Variants in KAT8 observed in about 807,000 individuals in gnomAD.
KAT8 encodes the protein histone acetyltransferase KAT8.
KAT8 carries 40 observed loss-of-function variants against 62.9 expected under a neutral mutation model. The ratio of observed to expected loss-of-function variants is 0.64; its 90% CI spans 0.49 to 0.83. KAT8 has a LOEUF of 0.83. KAT8 is among the 40% of genes least tolerant of loss of function. KAT8 has a pLI of 0.00. For synonymous variants in KAT8, 278 were observed against 254.5 expected (o/e 1.09, Z -0.88); for missense variants, 387 against 614.8 (o/e 0.63, Z 3.92).
chr16:31,118,107 T>C, intron 1 of KAT8: 2 of 406,308 alleles, frequency 4.9e-6, no homozygotes, highest in Non-Finnish European at 8.7e-6. Flanking sequence ...GAGCGACGCC[T>C]ACAAACCCAC....
intron 3 of KAT8, among the ~76,000 whole-genome samples, chr16:31,121,519 A>G (rs117725342): frequency 1.3e-5 from 2 of 152,262 alleles, no homozygotes; most frequent in East Asian, 3.9e-4. Context: ...GGACCCAGAC[A>G]GGAATTTGAT....
chr16:31,121,610 G>C (rs568717617), intron 3 of KAT8, among the ~76,000 whole-genome samples: 29 of 152,220 alleles, frequency 1.9e-4, no homozygotes, highest in African/African-American at 6.5e-4. Flanking sequence ...GGGAGTCTTG[G>C]TGTGTTGCTC....
Position 31,127,364 on chromosome 16 carries a change from G to T in KAT8, c.681+11G>T, listed in dbSNP as rs771555828. 7 of 1,613,406 alleles carry T rather than the reference G, an allele frequency of 4.3e-6. No individual in the cohort carries two copies. The highest frequency in any genetic ancestry group is 5.9e-6 in the Non-Finnish European group (7 of 1,179,812). ...TACCGCTTCCACTTGGTGAGGCTGG[G>T]CCGGCCGGGCCGAGCTGGGCAGGGG... On this transcript the variant is annotated intron_variant, in intron 5 of 10. Coordinates refer to ENST00000219797, the MANE Select transcript of KAT8 (RefSeq NM_032188.3).
At chr16:31,118,610 T>G (rs2057469097) in intron 1 of KAT8, 1 of 152,170 alleles carries the variant, frequency 6.6e-6, no homozygotes, top group African/African-American at 2.4e-5. Context: ...TCCTGCAACA[T>G]TTTTTTCCTA....
In KAT8 at chr16:31,130,761, C is replaced by T; in HGVS notation, c.1173C>T (p.Ile391=). The change falls in exon 10 of 11, where the codon ATC becomes ATT. Residue 391 remains isoleucine (I), a synonymous_variant. Transcript: ENST00000219797. ...CTTTTTGCAGCCAGATGACCAGTAT[C>T]ACCCAAAATGACATCATCAGTACCC... The part of the protein sequence containing the change: ...SIKDLSQMTS[I]TQNDIISTLQ... The T allele has an allele frequency of 6.2e-7, 1 of 1,614,202 alleles. No individual in the cohort carries two copies. The highest frequency in any genetic ancestry group is 8.5e-7 in the Non-Finnish European group (1 of 1,180,034).
chr16:31,129,158 T>G (rs1173932067), intron 6 of KAT8, among the ~76,000 whole-genome samples: 1 of 152,212 alleles, frequency 6.6e-6, no homozygotes, highest in African/African-American at 2.4e-5. Flanking sequence ...AAATGTCAAG[T>G]GTTTAGTGCA....
chr16:31,128,777 T>A (rs2057552192), intron 6 of KAT8, among the ~76,000 whole-genome samples: 1 of 152,254 alleles, frequency 6.6e-6, no homozygotes, highest in East Asian at 1.9e-4. Flanking sequence ...GGGAGGGGAC[T>A]GCTTTGTGTG....
Position 31,131,214 on chromosome 16 carries a change from G to A in KAT8, c.1332G>A (p.Lys444=). ...PPITVDSVCL[K]WAPPKHKQVK... ...CCACAGTGGACTCCGTCTGCCTCAA[G>A]TGGGCACCCCCCAAGCACAAGCAAG... The change falls in exon 11 of 11, where the codon AAG becomes AAA. Residue 444 remains lysine (K), a synonymous_variant. Coordinates refer to ENST00000219797, the MANE Select transcript of KAT8 (RefSeq NM_032188.3). The A allele has an allele frequency of 1.2e-6, 2 of 1,614,114 alleles. No individual in the cohort carries two copies. The highest frequency in any genetic ancestry group is 1.7e-4 in the Middle Eastern group (1 of 6,058).
chr16:31,127,491 G>A (rs1391508923), intron 5 of KAT8, 138 bp downstream of exon 5: 2 of 887,568 alleles, frequency 2.3e-6, no homozygotes, highest in Admixed American at 5.3e-5. Flanking sequence ...AAGAGCTGCT[G>A]GGGGTCAGGA....
chr16:31,123,348 C>T (rs2057511298), intron 3 of KAT8, among the ~76,000 whole-genome samples: 1 of 152,038 alleles, frequency 6.6e-6, no homozygotes, highest in Non-Finnish European at 1.5e-5. Flanking sequence ...TCCCAAGTAG[C>T]TGGGACTACA....
At position 31,130,526 on chromosome 16, in the gene KAT8, C is replaced by G; in HGVS notation, c.1077C>G (p.Leu359=). ...PEKPLSDLGK[L]SYRSYWSWVL... is the part of the protein sequence containing the mutation. ...AGCCACTGTCTGACCTGGGCAAGCT[C>G]AGCTACCGCAGCTACTGGTCCTGGG... Residue 359 remains leucine (L), a synonymous_variant, in exon 9 of 11, where the codon CTC becomes CTG. Transcript: ENST00000219797. 2 of 1,614,142 alleles carry G rather than the reference C, an allele frequency of 1.2e-6. No homozygotes were observed. Among genetic ancestry groups the G allele is most frequent in the East Asian group, 2.2e-5 (1 of 44,886 alleles).
chr16:31,119,929 T>C (rs2057480662), intron 1 of KAT8, among the ~76,000 whole-genome samples: 1 of 151,544 alleles, frequency 6.6e-6, no homozygotes. Context: ...GATCTGCCCA[T>C]CTCGGCCTCC....
intron 1 of KAT8, among the ~76,000 whole-genome samples, chr16:31,119,732 G>A (rs916650705): frequency 3.3e-5 from 5 of 151,940 alleles, no homozygotes; most frequent in African/African-American, 9.7e-5. Context: ...TCTGCCTCCC[G>A]GGTTCAAGCA....
rs758093907 is a variant in KAT8, at chr16:31,128,131, G to A, written c.763G>A (p.Asp255Asn). 1 of 1,613,690 alleles carries A rather than the reference G, an allele frequency of 6.2e-7. No homozygotes were observed. The highest frequency in any genetic ancestry group is 8.5e-7 in the Non-Finnish European group (1 of 1,179,826). ...CTCCGTGTACGAAGTTGATGGCAAA[G>A]ACCATAAGGTGAGTGGGTGGCCAGG... ...NISVYEVDGK[D>N]HKIYCQNLCL... The change falls in exon 6 of 11, where the codon GAC becomes AAC. Residue 255 changes from aspartate (D) to asparagine (N), a missense_variant. By Grantham distance (23) the Asp-to-Asn change is conservative. Transcript: ENST00000219797.
Position 31,117,705 on chromosome 16 carries a change from G to A in KAT8, c.24G>A (p.Ala8=). The change falls in exon 1 of 11, where the codon GCG becomes GCA. Residue 8 remains alanine, a synonymous_variant. Coordinates refer to ENST00000219797, the MANE Select transcript of KAT8 (RefSeq NM_032188.3). ...CGATGGCGGCACAGGGAGCTGCTGC[G>A]GCGGTTGCGGCGGGGACTTCAGGGG... MAAQGAA[A]AVAAGTSGVA... 7.2e-7 allele frequency: 1 copy of A among 1,398,290 alleles called. No individual in the cohort carries two copies. The highest frequency in any genetic ancestry group is 9.3e-7 in the Non-Finnish European group (1 of 1,071,188). 86.6% of individuals were successfully genotyped at this position (1,398,290 alleles called of 1,614,324 possible). A position where few individuals can be genotyped will look rare whatever the true frequency, so the allele number is the denominator to read the frequency against.
At chr16:31,127,135 C>G in intron 4 of KAT8, 47 bp downstream of exon 4, 2 of 1,613,904 alleles carry the variant, frequency 1.2e-6, no homozygotes, top group Non-Finnish European at 1.7e-6. Flanking sequence ...TCTCCCCTTG[C>G]CGAGGAGCCC....
At position 31,120,384 on chromosome 16, in the gene KAT8, T is replaced by C. The variant is rs1188751472; in HGVS notation, c.332T>C (p.Leu111Pro). The C allele has an allele frequency of 6.2e-7, 1 of 1,613,894 alleles. No individual in the cohort carries two copies. Among genetic ancestry groups the C allele is most frequent in the Non-Finnish European group, 8.5e-7 (1 of 1,179,946 alleles). The change falls in exon 3 of 11, where the codon CTG becomes CCG. Residue 111 changes from leucine (L) to proline (P), a missense_variant. Leu to Pro is a moderately conservative substitution (Grantham distance 98). This residue lies in a region of KAT8 where 69 missense variants were observed against 127.0 expected (regional missense o/e 0.54). Coordinates refer to ENST00000219797, the MANE Select transcript of KAT8 (RefSeq NM_032188.3). ...TGGGTAGACAAGAACCGGCTGGCGC[T>C]GACCAAGACAGTGAAGGATGCTGTA... ...DEWVDKNRLA[L>P]TKTVKDAVQK...
At chr16:31,124,905 T>G (rs552640788) in intron 3 of KAT8, among the ~76,000 whole-genome samples, 1 of 151,836 alleles carries the variant, frequency 6.6e-6, no homozygotes, top group Non-Finnish European at 1.5e-5. Flanking sequence ...GGTGGGCGCC[T>G]GTAATCCCAG....
In KAT8 at chr16:31,128,000, C is replaced by G; in HGVS notation, c.682-50C>G. On this transcript the variant is annotated intron_variant, in intron 5 of 10. Coordinates refer to ENST00000219797, the MANE Select transcript of KAT8 (RefSeq NM_032188.3). ...GCATGCAGTGGTGGGTTGGGTGCCT[C>G]CTAGCAGAGAACATATGGGCAGCGA... 3.5e-6 allele frequency: 5 copies of G among 1,430,630 alleles called. No homozygotes were observed. In the South Asian group the frequency reaches 5.7e-5, roughly 16 times the overall value. 88.6% of individuals were successfully genotyped at this position (1,430,630 alleles called of 1,614,324 possible). A position where few individuals can be genotyped will look rare whatever the true frequency, so the allele number is the denominator to read the frequency against.
Sources: gnomAD v4.1 joint callset for allele counts (sites outside exome capture counted in the v4.1 genomes callset) on GRCh38, gnomAD v4.1.1 for gene constraint, gnomAD v4.1.1 regional missense constraint, MANE v1.5 for transcripts, NCBI Gene and HGNC (gene_info 2026-07-23, HGNC 2026-07-21) for gene names.